EFCAB5: variants seen among roughly 807,000 people sequenced by gnomAD.
EFCAB5 encodes EF-hand calcium binding domain 5.
Under a neutral mutation model 167.9 loss-of-function variants are expected in EFCAB5, and 131 were observed. That is an observed-to-expected ratio of 0.78 (90% CI 0.68 to 0.90). The LOEUF (loss-of-function observed/expected upper bound fraction) is 0.90, where lower values mean the gene tolerates loss of function less well. Ranked by LOEUF, EFCAB5 falls within the 40% of genes least tolerant of loss-of-function variation. The probability of loss-of-function intolerance (pLI) is 0.00; values close to 1 mark genes in which losing one functional copy is unlikely to be tolerated. For synonymous variants in EFCAB5, 574 were observed against 602.8 expected (o/e 0.95, Z 0.70); for missense variants, 1,663 against 1,745.2 (o/e 0.95, Z 0.84).
chr17:29,934,637 C>T (rs1310935678), intron 1 of EFCAB5, among the ~76,000 whole-genome samples: 2 of 152,180 alleles, frequency 1.3e-5, no homozygotes, highest in Non-Finnish European at 2.9e-5. Flanking sequence ...GGAACATCCT[C>T]CAAAGCTCAG....
At chr17:30,033,967 A>C (rs745610615) in intron 7 of EFCAB5, among the ~76,000 whole-genome samples, 5 of 152,174 alleles carry the variant, frequency 3.3e-5, no homozygotes, top group African/African-American at 4.8e-5. Context: ...GCCCTATATA[A>C]TGTTGATGTG....
At position 30,039,493 on chromosome 17, in the gene EFCAB5, ACT is replaced by A. The variant is rs374220190; in HGVS notation, c.1200+5113_1200+5114del. Among the ~76,000 whole-genome samples the A allele has an allele frequency of 3.5e-3, 534 of 151,416 alleles. 2 individuals carry two copies. Among genetic ancestry groups the A allele is most frequent in the African/African-American group, 0.013 (516 of 41,222 alleles). On this transcript the variant is annotated intron_variant, in intron 8 of 22. Transcript: ENST00000394835. Reference sequence around the variant, plus strand: ...GTGGAGGTTTGCAAAGCCAGAGACAACTCTCTACTTCAGAAAAATACCTCTGC... The same window carrying A: ...GTGGAGGTTTGCAAAGCCAGAGACAACTCTACTTCAGAAAAATACCTCTGC...
Position 30,053,511 on chromosome 17 carries a change from A to G in EFCAB5, c.1557A>G (p.Gln519=), listed in dbSNP as rs1274692239. The G allele has an allele frequency of 1.2e-6, 2 of 1,613,970 alleles. No homozygotes were observed. Among genetic ancestry groups the G allele is most frequent in the Non-Finnish European group, 1.7e-6 (2 of 1,179,882 alleles). Residue 519 remains glutamine, a synonymous_variant, in exon 10 of 23, where the codon CAA becomes CAG. Coordinates refer to ENST00000394835, the MANE Select transcript of EFCAB5 (RefSeq NM_198529.4). The part of the protein sequence containing the change: ...QRGVTAEQGP[Q]RISIEEQQQG... The stretch of plus-strand genomic sequence containing the variant: ...GAGTAACTGCAGAACAAGGACCACA[A>G]AGAATTTCAATTGAAGAACAACAAC...
chr17:30,078,284 A>C lies in EFCAB5; in HGVS notation c.2807A>C (p.Gln936Pro). Residue 936 changes from glutamine to proline, a missense_variant, in exon 15 of 23, where the codon CAG becomes CCG. Coordinates refer to ENST00000394835, the MANE Select transcript of EFCAB5 (RefSeq NM_198529.4). ...GTGAGATTGTCTTCAAAACAATTTC[A>C]GAATTACATAGAATTGGTTGTGTCT... ...HEVRLSSKQF[Q>P]NYIELVVSEL... 1 of 1,614,004 alleles carries C rather than the reference A, an allele frequency of 6.2e-7. No individual in the cohort carries two copies. The highest frequency in any genetic ancestry group is 8.5e-7 in the Non-Finnish European group (1 of 1,179,866).
intron 9 of EFCAB5, among the ~76,000 whole-genome samples, chr17:30,052,488 C>T (rs1444453491): frequency 6.6e-6 from 1 of 152,094 alleles, no homozygotes; most frequent in Non-Finnish European, 1.5e-5. Context: ...TATTTTATTT[C>T]TGTGTGAAGA....
chr17:29,994,036 C>A (rs544179264), intron 5 of EFCAB5, among the ~76,000 whole-genome samples: 4 of 148,932 alleles, frequency 2.7e-5, no homozygotes, highest in Non-Finnish European at 5.9e-5. Flanking sequence ...TCCAGGAGGT[C>A]GAAGCTGCAC....
intron 3 of EFCAB5, among the ~76,000 whole-genome samples, chr17:29,960,979 T>A (rs1039319827): frequency 3.9e-5 from 6 of 152,142 alleles, no homozygotes; most frequent in Non-Finnish European, 8.8e-5. Context: ...TACAGGCACA[T>A]GCCACTGTAC....
rs571765467 is a variant in EFCAB5 at position 29,935,718 on chromosome 17, AAAAC to A, written c.-127+6401_-127+6404del. ...TCCCACCTTAAGGGCTAGAAAAAAA[AAAAC>A]AAACAAACAAAAAACAAGAAAAAAC... is the stretch of plus-strand genomic sequence containing the variant. On this transcript the variant is annotated intron_variant, in intron 1 of 3. Coordinates refer to the EFCAB5 transcript ENST00000448319. Among the ~76,000 whole-genome samples the A allele has an allele frequency of 4.5e-3, 689 of 151,568 alleles. 8 individuals are homozygous for A. Among genetic ancestry groups the A allele is most frequent in the African/African-American group, 0.016 (645 of 41,378 alleles).
At chr17:30,000,923 A>G (rs2068648566) in intron 7 of EFCAB5, among the ~76,000 whole-genome samples, 1 of 152,140 alleles carries the variant, frequency 6.6e-6, no homozygotes, top group South Asian at 2.1e-4. Context: ...TCACACACTG[A>G]GCTAATATTT....
rs1054784847 is a variant in EFCAB5 at position 29,951,590 on chromosome 17, T to C, written c.190+7941T>C. Among the ~76,000 whole-genome samples, 8 of 151,990 alleles carry C rather than the reference T, an allele frequency of 5.3e-5. No individual in the cohort carries two copies. In the South Asian group the frequency reaches 1.3e-3, roughly 24 times the overall value. On this transcript the variant is annotated intron_variant, in intron 3 of 22. Transcript: ENST00000394835. ...CAGGATGGTCTCAATCTCCTGACCT[T>C]GTGATCTGCCCGCCTTGGCCTCCCA...
At chr17:29,988,708 C>A (rs1382567511) in intron 4 of EFCAB5, among the ~76,000 whole-genome samples, 1 of 152,116 alleles carries the variant, frequency 6.6e-6, no homozygotes, top group Non-Finnish European at 1.5e-5. Flanking sequence ...GTGAGAGTGA[C>A]AATAATTTTT....
At chr17:30,013,197 G>A (rs565823956) in intron 7 of EFCAB5, among the ~76,000 whole-genome samples, 23 of 151,904 alleles carry the variant, frequency 1.5e-4, no homozygotes, top group East Asian at 5.8e-4. Context: ...TGCTGGATTC[G>A]GTTTGCCAGT....
chr17:30,067,551 A>G (rs552136047), intron 14 of EFCAB5, among the ~76,000 whole-genome samples: 35 of 152,214 alleles, frequency 2.3e-4, no homozygotes, highest in African/African-American at 7.7e-4. Flanking sequence ...TAAAATAACC[A>G]TGATACATCC....
In EFCAB5 at chr17:29,994,146, A is replaced by ATG. The variant is rs1466435817; in HGVS notation, c.924+826_924+827insGT. ...ACAACAACAACAAATATATATATAT[A>ATG]TATATATATATATATATATATATAT... is the stretch of plus-strand genomic sequence containing the variant. On this transcript the variant is annotated intron_variant, in intron 5 of 22. Transcript: ENST00000394835. Among the ~76,000 whole-genome samples the ATG allele has an allele frequency of 9.7e-5, 10 of 103,288 alleles. 1 individual carries two copies. The East Asian group carries it at 3.3e-3, about 34-fold the overall frequency. The allele number at this position is 103,288 out of a possible 152,430, so 67.8% of individuals were successfully genotyped here.
chr17:30,056,325 AT>A (rs946573977), intron 12 of EFCAB5, among the ~76,000 whole-genome samples, 169 bp downstream of exon 12: 1 of 152,204 alleles, frequency 6.6e-6, no homozygotes, highest in African/African-American at 2.4e-5. Flanking sequence ...AGATAGATAT[AT>A]TTGGTGGTGA....
chr17:30,004,619 G>A (rs1000512782), intron 7 of EFCAB5, among the ~76,000 whole-genome samples: 7 of 147,318 alleles, frequency 4.8e-5, no homozygotes, highest in African/African-American at 1.7e-4. Context: ...AACTCTGTGG[G>A]CACTTTTTTT....
At chr17:30,091,000 A>T (rs181992872) in intron 20 of EFCAB5, among the ~76,000 whole-genome samples, 54 of 152,250 alleles carry the variant, frequency 3.5e-4, no homozygotes, top group African/African-American at 1.2e-3. Context: ...CCATAACCCT[A>T]TGAGATGAAT....
At chr17:30,065,781 T>C (rs76657292) in intron 14 of EFCAB5, 1 of 152,158 alleles carries the variant, frequency 6.6e-6, no homozygotes, top group Admixed American at 6.5e-5. Context: ...ATATTTCACG[T>C]GAATGGAAAT....
At position 30,034,334 on chromosome 17, in the gene EFCAB5, C is replaced by T. The variant is rs1597703118; in HGVS notation, c.1149C>T (p.Asp383=). Residue 383 remains aspartate, a synonymous_variant, in exon 8 of 23, where the codon GAC becomes GAT. Transcript: ENST00000394835. ...ADEFREVIKA[D]MRRQMFAELF... is the part of the protein sequence containing the mutation. ...AATTTCGGGAGGTCATAAAAGCTGA[C>T]ATGCGGAGGCAGATGTTCGCTGAAC... 2 of 1,612,690 alleles carry T rather than the reference C, an allele frequency of 1.2e-6. No individual in the cohort carries two copies. Among genetic ancestry groups the T allele is most frequent in the East Asian group, 2.2e-5 (1 of 44,866 alleles).
Sources: allele counts gnomAD v4.1 joint callset (sites outside exome capture counted in the v4.1 genomes callset), GRCh38; gene constraint gnomAD v4.1.1; transcripts MANE v1.5; gene names NCBI Gene and HGNC (gene_info 2026-07-23, HGNC 2026-07-21).